PLA2G4D: variants seen among roughly 807,000 people sequenced by gnomAD.
The protein encoded by PLA2G4D is cytosolic phospholipase A2 delta.
In PLA2G4D, 80 loss-of-function variants were observed where a neutral mutation model predicts 94.4. The ratio of observed to expected loss-of-function variants is 0.85; its 90% CI spans 0.71 to 1.02. The LOEUF is 1.02. Among genes scored for constraint, PLA2G4D ranks in the 50% least tolerant of loss-of-function variants. PLA2G4D has a pLI of 0.00. For missense variants in PLA2G4D, 1,050 were observed against 1,034.7 expected, an observed-to-expected ratio of 1.01 and a Z score of -0.20; for synonymous variants, 438 against 440.9, an observed-to-expected ratio of 0.99 and a Z score of 0.08.
At chr15:42,090,238 G>A (rs75441807) in intron 1 of PLA2G4D, among the ~76,000 whole-genome samples, 12,339 of 152,234 alleles carry the variant, frequency 0.081, 586 homozygotes, top group Middle Eastern at 0.14. Flanking sequence ...GGCTTAAAAT[G>A]TTAATGCCTG....
intron 18 of PLA2G4D, chr15:42,070,485 A>C: frequency 1.8e-6 from 1 of 565,526 alleles, no homozygotes; most frequent in South Asian, 2.5e-5. Context: ...TGTTCTTTGG[A>C]GTAGGTGTGG....
rs373792485 is a variant in PLA2G4D, at chr15:42,082,218, C to T, written c.783+61G>A. On this transcript the variant is annotated intron_variant, in intron 9 of 19. Coordinates refer to ENST00000290472, the MANE Select transcript of PLA2G4D (RefSeq NM_178034.4). ...AAGTGCTGGGATTACAGGCTTGAGC[C>T]ACAGAGCCCAGCCTTATCTTCATTC... 3.6e-4 allele frequency: 520 copies of T among 1,428,612 alleles called. 2 individuals are homozygous for T. The African/African-American group carries it at 6.5e-3, about 18-fold the overall frequency. 88.5% of individuals were successfully genotyped at this position (1,428,612 alleles called of 1,614,324 possible). A position where few individuals can be genotyped will look rare whatever the true frequency, so the allele number is the denominator to read the frequency against.
chr15:42,086,771 GA>G (rs1178765754), intron 3 of PLA2G4D, among the ~76,000 whole-genome samples: 1 of 152,190 alleles, frequency 6.6e-6, no homozygotes, highest in Non-Finnish European at 1.5e-5. Flanking sequence ...CGAATCGCTT[GA>G]ACCTGGGAGG....
rs184396177 is a variant in PLA2G4D, at chr15:42,083,024, G to A, written c.672+174C>T. On this transcript the variant is annotated intron_variant, in intron 8 of 19. Transcript: ENST00000290472. Reference sequence around the variant, plus strand: ...GATATGGTGCAGCAGCCCCATGCCCGCTCTGGCCACTGGTGGTCCTCTGTG... The same window carrying A: ...GATATGGTGCAGCAGCCCCATGCCCACTCTGGCCACTGGTGGTCCTCTGTG... 3.3e-3 allele frequency among the ~76,000 whole-genome samples: 503 copies of A among 152,286 alleles called. 3 individuals carry two copies. Among genetic ancestry groups the A allele is most frequent in the African/African-American group, 0.012 (485 of 41,542 alleles).
chr15:42,089,929 C>A (rs921487766), intron 1 of PLA2G4D, among the ~76,000 whole-genome samples: 1 of 152,216 alleles, frequency 6.6e-6, no homozygotes, highest in African/African-American at 2.4e-5. Context: ...TTCTCAACCT[C>A]AGAAAGCCCA....
At chr15:42,085,675 G>A (rs1217155286) in intron 4 of PLA2G4D, 144 bp from the exon 5 acceptor site, 1 of 794,422 alleles carries the variant, frequency 1.3e-6, no homozygotes, top group Non-Finnish European at 2.1e-6. Context: ...TTATGGATGA[G>A]GAAACTGAGG....
At chr15:42,070,455 T>C in intron 18 of PLA2G4D, 1 of 534,884 alleles carries the variant, frequency 1.9e-6, no homozygotes. Flanking sequence ...TGCTAGGGTC[T>C]CCTCTCAGCT....
chr15:42,070,021 G>C lies in PLA2G4D; in HGVS notation c.2118C>G (p.Asp706Glu). The change falls in exon 19 of 20, where the codon GAC becomes GAG. Residue 706 changes from aspartate to glutamate, a missense_variant. Physicochemically the swap from Asp to Glu is conservative, Grantham distance 45. Transcript: ENST00000290472. ...PFPRVEPSPQ[D>E]QHQPRECHLF... ...GGTGGCATTCCCTTGGCTGGTGCTG[G>C]TCCTGAGGGCTGGGTTCCACCCGGG... The C allele has an allele frequency of 4.6e-6, 7 of 1,515,688 alleles. No individual in the cohort carries two copies. Among genetic ancestry groups the C allele is most frequent in the Non-Finnish European group, 6.2e-6 (7 of 1,132,764 alleles). The allele number at this position is 1,515,688 out of a possible 1,614,324, so 93.9% of individuals were successfully genotyped here.
Position 42,068,895 on chromosome 15 carries a change from G to A in PLA2G4D, c.2277C>T (p.Leu759=). ...GGGTGTAGGGGCAGGTGGCCCCGGT[G>A]AGATCCACTTGGCCACCCTGGAGCT... is the stretch of plus-strand genomic sequence containing the variant. ...PAELQGGQVD[L]TGATCPYTLS... The change falls in exon 20 of 20, where the codon CTC becomes CTT. Residue 759 remains leucine (L), a synonymous_variant. Transcript: ENST00000290472. 5 of 1,612,964 alleles carry A rather than the reference G, an allele frequency of 3.1e-6. No homozygotes were observed. The highest frequency in any genetic ancestry group is 4.2e-6 in the Non-Finnish European group (5 of 1,179,928).
In PLA2G4D at chr15:42,083,788, G is replaced by C. The variant is rs1175328455; in HGVS notation, c.472-9C>G. The stretch of plus-strand genomic sequence containing the variant: ...CATGACAGCTCTCGGGCCTGGGGAA[G>C]ACCACATCATGGGCAGGGGCCTCTG... On this transcript the variant is annotated splice_polypyrimidine_tract_variant and intron_variant, in intron 6 of 19. Transcript: ENST00000290472. The C allele has an allele frequency of 6.2e-7, 1 of 1,613,320 alleles. No homozygotes were observed.
chr15:42,089,442 C>G (rs999853242), intron 1 of PLA2G4D, among the ~76,000 whole-genome samples: 1 of 152,226 alleles, frequency 6.6e-6, no homozygotes, highest in Non-Finnish European at 1.5e-5. Context: ...TCCTATCATT[C>G]CAGGCAGCTT....
chr15:42,089,142 T>G (rs899876308), intron 1 of PLA2G4D, among the ~76,000 whole-genome samples: 1 of 152,210 alleles, frequency 6.6e-6, no homozygotes, highest in African/African-American at 2.4e-5. Flanking sequence ...ACAGTGAACA[T>G]TTGATATCGC....
At chr15:42,087,260 C>T (rs1595598518) in intron 3 of PLA2G4D, 40 bp downstream of exon 3, 2 of 1,613,018 alleles carry the variant, frequency 1.2e-6, no homozygotes, top group African/African-American at 1.3e-5. Context: ...GGGGGTCCAG[C>T]CCGTTCACAA....
At chr15:42,087,510 C>T in intron 2 of PLA2G4D, 74 bp from the exon 3 acceptor site, 2 of 1,608,014 alleles carry the variant, frequency 1.2e-6, no homozygotes, top group Non-Finnish European at 1.7e-6. Flanking sequence ...CAGTTTCCTA[C>T]CAAGACCCTG....
intron 1 of PLA2G4D, among the ~76,000 whole-genome samples, chr15:42,093,033 A>G (rs555138614): frequency 1.3e-5 from 2 of 152,268 alleles, no homozygotes; most frequent in African/African-American, 4.8e-5. Flanking sequence ...GGCTGGGCTG[A>G]GTCTCCTGGA....
intron 18 of PLA2G4D, chr15:42,070,497 G>C: frequency 1.7e-6 from 1 of 590,070 alleles, no homozygotes; most frequent in Non-Finnish European, 3.0e-6. Flanking sequence ...TAGGTGTGGG[G>C]AGGTCCCTCC....
At chr15:42,083,419 T>A in intron 7 of PLA2G4D, 85 bp from the exon 8 acceptor site, 1 of 1,521,760 alleles carries the variant, frequency 6.6e-7, no homozygotes, top group Non-Finnish European at 8.8e-7. Flanking sequence ...ACCACCTGGA[T>A]TCAGAGGATG....
chr15:42,084,307 G>A lies in PLA2G4D; in HGVS notation c.472-528C>T, dbSNP rs1226154883. On this transcript the variant is annotated intron_variant, in intron 6 of 19. Coordinates refer to ENST00000290472, the MANE Select transcript of PLA2G4D (RefSeq NM_178034.4). The surrounding 1 kb of genome is among the most constrained non-coding windows in gnomAD (Gnocchi z 4.8). Reference sequence around the variant, plus strand: ...CTGTGAAGCATACCAGCAGATGCCCGCCACCCACGCTCCACACAATCACTG... The same window carrying A: ...CTGTGAAGCATACCAGCAGATGCCCACCACCCACGCTCCACACAATCACTG... 1.3e-5 allele frequency among the ~76,000 whole-genome samples: 2 copies of A among 152,062 alleles called. No individual in the cohort carries two copies. The highest frequency in any genetic ancestry group is 6.5e-5 in the Admixed American group (1 of 15,272).
chr15:42,079,823 G>T, intron 12 of PLA2G4D, 64 bp from the exon 13 acceptor site: 2 of 1,502,746 alleles, frequency 1.3e-6, no homozygotes, highest in Non-Finnish European at 1.8e-6. Flanking sequence ...TGCAACTCCT[G>T]CTTCCCACTC....
Sources: allele counts gnomAD v4.1 joint callset (sites outside exome capture counted in the v4.1 genomes callset), GRCh38; gene constraint gnomAD v4.1.1; non-coding constraint Gnocchi (gnomAD v3.1); transcripts MANE v1.5; gene names NCBI Gene and HGNC (gene_info 2026-07-23, HGNC 2026-07-21).